ROBO2: variants seen among roughly 807,000 people sequenced by gnomAD.
The protein encoded by ROBO2 is roundabout guidance receptor 2, also known as roundabout homolog 2.
ROBO2 carries 53 observed loss-of-function variants against 160.8 expected under a neutral mutation model. The observed-to-expected ratio is 0.33, with a 90% CI of 0.26 to 0.41. The LOEUF (loss-of-function observed/expected upper bound fraction) is 0.41, where lower values mean the gene tolerates loss of function less well. Among genes scored for constraint, ROBO2 ranks in the 10% least tolerant of loss-of-function variants. The pLI, the probability that ROBO2 is intolerant of heterozygous loss-of-function variation, is 1.00. For synonymous variants in ROBO2, 664 were observed against 611.7 expected (o/e 1.09, Z -1.26); for missense variants, 1,577 against 1,722.4 (o/e 0.92, Z 1.49).
intron 7 of ROBO2, among the ~76,000 whole-genome samples, chr3:77,547,739 G>C (rs1375816242): frequency 6.6e-6 from 1 of 152,044 alleles, no homozygotes; most frequent in Non-Finnish European, 1.5e-5. Context: ...TAAACGTAGT[G>C]ACGGGAATGT....
chr3:77,555,547 G>C (rs1406548993), intron 8 of ROBO2, among the ~76,000 whole-genome samples: 1 of 150,350 alleles, frequency 6.7e-6, no homozygotes, highest in African/African-American at 2.4e-5. Flanking sequence ...TTCCGCATTA[G>C]TTCACTGGCA....
chr3:77,073,768 T>A (rs958305117), intron 1 of ROBO2, among the ~76,000 whole-genome samples: 1 of 152,176 alleles, frequency 6.6e-6, no homozygotes, highest in Admixed American at 6.5e-5. Flanking sequence ...AATGTTTCTT[T>A]CTGGGGACTG....
intron 2 of ROBO2, among the ~76,000 whole-genome samples, chr3:76,713,517 A>G (rs893902644): frequency 1.3e-5 from 2 of 152,164 alleles, no homozygotes; most frequent in African/African-American, 4.8e-5. Context: ...TAATATTCAA[A>G]TGAGTGTCAA....
At chr3:77,196,714 T>TA in intron 2 of ROBO2, among the ~76,000 whole-genome samples, 1 of 152,134 alleles carries the variant, frequency 6.6e-6, no homozygotes, top group African/African-American at 2.4e-5. Context: ...TTTGCATTAA[T>TA]AAAAAATGGC....
chr3:77,094,752 G>A (rs2070808884), intron 1 of ROBO2, among the ~76,000 whole-genome samples: 1 of 152,066 alleles, frequency 6.6e-6, no homozygotes, highest in Non-Finnish European at 1.5e-5. Flanking sequence ...GTATTTCATT[G>A]TAGTTTCGAT....
intron 2 of ROBO2, among the ~76,000 whole-genome samples, chr3:77,107,960 T>G (rs2150150597): frequency 6.6e-6 from 1 of 152,280 alleles, no homozygotes; most frequent in South Asian, 2.1e-4. Context: ...CTTTCTTTGC[T>G]TATTCAAATT....
intron 2 of ROBO2, among the ~76,000 whole-genome samples, chr3:77,324,900 C>T (rs1332751869): frequency 6.6e-6 from 1 of 151,344 alleles, no homozygotes; most frequent in East Asian, 1.9e-4. Context: ...AAAACTCTAA[C>T]AAGAACCTCA....
At chr3:77,262,708 G>C (rs555478550) in intron 2 of ROBO2, among the ~76,000 whole-genome samples, 1 of 152,060 alleles carries the variant, frequency 6.6e-6, no homozygotes, top group African/African-American at 2.4e-5. Flanking sequence ...ATCCCTGAAA[G>C]CTACTGGAAA....
intron 22 of ROBO2, among the ~76,000 whole-genome samples, chr3:77,618,885 A>T (rs537035551): frequency 1.1e-4 from 16 of 152,214 alleles, no homozygotes; most frequent in African/African-American, 3.4e-4. Context: ...TTAATAAAAC[A>T]TCACTATGTA....
chr3:77,391,731 G>T (rs1330850504), intron 2 of ROBO2, among the ~76,000 whole-genome samples: 2 of 151,680 alleles, frequency 1.3e-5, no homozygotes, highest in African/African-American at 4.8e-5. Flanking sequence ...TTTTTTTGTT[G>T]GAATTTTAGT....
intron 2 of ROBO2, among the ~76,000 whole-genome samples, chr3:76,253,189 CAATTTT>C (rs755698720): frequency 1.3e-5 from 2 of 152,028 alleles, no homozygotes; most frequent in Non-Finnish European, 2.9e-5. Flanking sequence ...AAATGTGTAT[CAATTTT>C]AAAGACAGGT....
chr3:75,992,911 A>G (rs2065616147), intron 2 of ROBO2, among the ~76,000 whole-genome samples: 1 of 152,216 alleles, frequency 6.6e-6, no homozygotes, highest in South Asian at 2.1e-4. Context: ...TTGGACTTGC[A>G]TGGGGCCTTT....
At chr3:76,334,248 A>C (rs2108067175) in intron 2 of ROBO2, among the ~76,000 whole-genome samples, 1 of 152,230 alleles carries the variant, frequency 6.6e-6, no homozygotes, top group African/African-American at 2.4e-5. Context: ...TTGTTTAATC[A>C]TTTTTTATTG....
chr3:75,960,084 G>T (rs1286078590), intron 2 of ROBO2, among the ~76,000 whole-genome samples: 1 of 151,562 alleles, frequency 6.6e-6, no homozygotes, highest in Admixed American at 6.6e-5. Context: ...AGAGTACTTT[G>T]CTGGGGTGAG....
At chr3:76,668,086 C>G (rs2092122748) in intron 2 of ROBO2, among the ~76,000 whole-genome samples, 1 of 152,104 alleles carries the variant, frequency 6.6e-6, no homozygotes, top group Admixed American at 6.6e-5. Flanking sequence ...CAAAATACTT[C>G]TCTCTCTTAG....
At chr3:76,115,246 C>G (rs549211919) in intron 2 of ROBO2, among the ~76,000 whole-genome samples, 1 of 152,148 alleles carries the variant, frequency 6.6e-6, no homozygotes, top group East Asian at 1.9e-4. Context: ...CTAATAAATT[C>G]CCCTTTTTTG....
At chr3:77,285,803 C>CA (rs1314727814) in intron 2 of ROBO2, among the ~76,000 whole-genome samples, 1 of 151,986 alleles carries the variant, frequency 6.6e-6, no homozygotes, top group African/African-American at 2.4e-5. Context: ...AATGAACAAA[C>CA]AAAAAATCCA....
rs538123398 is a variant in ROBO2, at chr3:76,355,164, C to T, written c.109+417562C>T. On this transcript the variant is annotated intron_variant, in intron 2 of 26. Coordinates refer to the ROBO2 transcript ENST00000487694. Reference sequence around the variant, plus strand: ...GTCTTATTTTAAGCAAACCGCCACACATTTTAATCAGTATTAAAATGATAA... The same window carrying T: ...GTCTTATTTTAAGCAAACCGCCACATATTTTAATCAGTATTAAAATGATAA... Among the ~76,000 whole-genome samples, 7 of 151,720 alleles carry T rather than the reference C, an allele frequency of 4.6e-5. No individual in the cohort carries two copies. In the East Asian group the frequency reaches 1.4e-3, roughly 29 times the overall value.
rs529044048 is a variant in ROBO2 at position 77,553,331 on chromosome 3, C to T, written c.1231+2342C>T. On this transcript the variant is annotated intron_variant, in intron 8 of 25. Coordinates refer to ENST00000461745, the Ensembl canonical transcript of ROBO2. ...GTTTCTTTACCCACTGGTTTCTTTA[C>T]CCCTGTTGTTCTGTCTTTCCCTGAG... Among the ~76,000 whole-genome samples, 262 of 151,914 alleles carry T rather than the reference C, an allele frequency of 1.7e-3. 1 individual carries two copies. The highest frequency in any genetic ancestry group is 5.8e-3 in the African/African-American group (241 of 41,490).
Sources: gnomAD v4.1 joint callset for allele counts (sites outside exome capture counted in the v4.1 genomes callset) on GRCh38, gnomAD v4.1.1 for gene constraint, MANE v1.5 for transcripts, NCBI Gene and HGNC (gene_info 2026-07-23, HGNC 2026-07-21) for gene names.